RNGTT: variants seen among roughly 807,000 people sequenced by gnomAD.
RNGTT encodes mRNA-capping enzyme.
Under a neutral mutation model 79.3 loss-of-function variants are expected in RNGTT, and 33 were observed. The observed-to-expected ratio is 0.42, with a 90% CI of 0.32 to 0.56. RNGTT has a LOEUF of 0.56. Ranked by LOEUF, RNGTT falls within the 20% of genes least tolerant of loss-of-function variation. The pLI is 0.17. For synonymous variants in RNGTT, 222 were observed against 235.9 expected, an observed-to-expected ratio of 0.94 and a Z score of 0.54; for missense variants, 497 against 739.1, an observed-to-expected ratio of 0.67 and a Z score of 3.80.
chr6:88,719,296 T>C (rs1024917843), intron 13 of RNGTT, among the ~76,000 whole-genome samples: 2 of 152,198 alleles, frequency 1.3e-5, no homozygotes, highest in Non-Finnish European at 2.9e-5. Flanking sequence ...GCCTCGAAAA[T>C]CACAGGCTAT....
intron 8 of RNGTT, among the ~76,000 whole-genome samples, chr6:88,861,417 T>C (rs1264176881): frequency 2.0e-5 from 3 of 152,180 alleles, no homozygotes; most frequent in African/African-American, 7.2e-5. Flanking sequence ...ATGGGGCTCA[T>C]GCACACTTTG....
intron 2 of RNGTT, among the ~76,000 whole-genome samples, chr6:88,930,007 T>C (rs927360995): frequency 2.9e-5 from 4 of 137,906 alleles, no homozygotes; most frequent in African/African-American, 5.3e-5. Context: ...CATATATACA[T>C]ATGCATATGT....
Position 88,612,456 on chromosome 6 carries a change from T to C in RNGTT, c.*263A>G. On this transcript the variant is annotated 3_prime_UTR_variant, in exon 16 of 16. Transcript: ENST00000369485. ...TCCATCTTGTTTAAACCTTTGGATA[T>C]TTCAATCTTCAGATTCCACAAGGTA... is the stretch of plus-strand genomic sequence containing the variant. The C allele has an allele frequency of 3.1e-6, 1 of 317,476 alleles. No homozygotes were observed. The allele number at this position is 317,476 out of a possible 1,614,324, so 19.7% of individuals were successfully genotyped here. A position where few individuals can be genotyped will look rare whatever the true frequency, so the allele number is the denominator to read the frequency against.
At chr6:88,635,236 T>C (rs1448907069) in intron 14 of RNGTT, among the ~76,000 whole-genome samples, 2 of 152,118 alleles carry the variant, frequency 1.3e-5, no homozygotes, top group Non-Finnish European at 2.9e-5. Context: ...ATTATGTATA[T>C]GATAAACATG....
intron 11 of RNGTT, among the ~76,000 whole-genome samples, chr6:88,822,283 T>C (rs1420999166): frequency 1.3e-5 from 2 of 152,144 alleles, no homozygotes; most frequent in African/African-American, 4.8e-5. Context: ...GATAGCACAA[T>C]GCTAAAGTTA....
intron 6 of RNGTT, among the ~76,000 whole-genome samples, chr6:88,894,762 A>G (rs1215403264): frequency 6.6e-6 from 1 of 152,282 alleles, no homozygotes; most frequent in East Asian, 1.9e-4. Context: ...TTTATAATGG[A>G]AAGATCACTA....
intron 13 of RNGTT, among the ~76,000 whole-genome samples, chr6:88,683,879 G>T (rs1357886768): frequency 1.3e-5 from 2 of 152,024 alleles, no homozygotes; most frequent in African/African-American, 4.8e-5. Context: ...GCTGGGCACG[G>T]TGGCATGTGT....
intron 6 of RNGTT, among the ~76,000 whole-genome samples, chr6:88,903,019 G>C (rs1193008615): frequency 6.6e-6 from 1 of 151,980 alleles, no homozygotes; most frequent in Admixed American, 6.5e-5. Flanking sequence ...ACTAATAAAA[G>C]AAAAGTAAAG....
intron 12 of RNGTT, among the ~76,000 whole-genome samples, chr6:88,799,055 A>C (rs1411310238): frequency 2.0e-5 from 3 of 152,236 alleles, no homozygotes; most frequent in Non-Finnish European, 4.4e-5. Flanking sequence ...GTAGCAATAA[A>C]AAAAGACACA....
intron 13 of RNGTT, among the ~76,000 whole-genome samples, chr6:88,695,622 A>T (rs1192200195): frequency 6.6e-6 from 1 of 152,186 alleles, no homozygotes; most frequent in Non-Finnish European, 1.5e-5. Context: ...TAGAATTATG[A>T]TATGATCCAG....
intron 11 of RNGTT, among the ~76,000 whole-genome samples, chr6:88,838,364 T>A (rs1224846705): frequency 6.6e-6 from 1 of 152,044 alleles, no homozygotes; most frequent in African/African-American, 2.4e-5. Flanking sequence ...ATAATTTTGA[T>A]GAAATTCACA....
chr6:88,899,404 A>C (rs1010307488), intron 6 of RNGTT, among the ~76,000 whole-genome samples: 1 of 152,038 alleles, frequency 6.6e-6, no homozygotes, highest in Non-Finnish European at 1.5e-5. Context: ...CAGCCTCATA[A>C]GTAGCTGAGA....
intron 14 of RNGTT, among the ~76,000 whole-genome samples, chr6:88,631,891 A>G (rs767213407): frequency 9.2e-5 from 14 of 152,204 alleles, no homozygotes; most frequent in Admixed American, 5.2e-4. Context: ...AAAATGTCCA[A>G]TCAACTTTAA....
At chr6:88,795,787 A>G (rs1300537948) in intron 12 of RNGTT, among the ~76,000 whole-genome samples, 1 of 152,238 alleles carries the variant, frequency 6.6e-6, no homozygotes, top group East Asian at 1.9e-4. Context: ...AAATAAAAAA[A>G]GGGACCCTCG....
chr6:88,842,163 A>G (rs1781313931), intron 11 of RNGTT, among the ~76,000 whole-genome samples: 1 of 152,236 alleles, frequency 6.6e-6, no homozygotes, highest in African/African-American at 2.4e-5. Flanking sequence ...AAAACAAATT[A>G]AAAGGTGGGT....
chr6:88,836,412 C>A (rs1246246009), intron 11 of RNGTT, among the ~76,000 whole-genome samples: 1 of 151,708 alleles, frequency 6.6e-6, no homozygotes, highest in African/African-American at 2.4e-5. Context: ...AAAAATAAAC[C>A]AAAACCGCAA....
intron 1 of RNGTT, among the ~76,000 whole-genome samples, chr6:88,943,930 T>C (rs1478998791): frequency 6.6e-6 from 1 of 152,238 alleles, no homozygotes; most frequent in Non-Finnish European, 1.5e-5. Context: ...TACACATATG[T>C]AGCTGAGGCT....
intron 15 of RNGTT, among the ~76,000 whole-genome samples, chr6:88,613,130 C>T (rs1772095231): frequency 1.3e-5 from 2 of 152,186 alleles, no homozygotes; most frequent in African/African-American, 4.8e-5. Context: ...ATAAGCATGT[C>T]TTCCCCACGG....
intron 13 of RNGTT, among the ~76,000 whole-genome samples, chr6:88,690,633 C>T (rs1434774991): frequency 6.6e-6 from 1 of 151,910 alleles, no homozygotes; most frequent in Non-Finnish European, 1.5e-5. Flanking sequence ...TTGCTTGATC[C>T]CAGGAATTTG....
Sources: gnomAD v4.1 joint callset for allele counts (sites outside exome capture counted in the v4.1 genomes callset) on GRCh38, gnomAD v4.1.1 for gene constraint, MANE v1.5 for transcripts, NCBI Gene and HGNC (gene_info 2026-07-23, HGNC 2026-07-21) for gene names.